The following NEGR1 variants were observed in gnomAD, a reference collection of about 807,000 sequenced individuals.
NEGR1 encodes the protein IgLON family member 4.
A neutral mutation model predicts 40.9 loss-of-function variants in NEGR1; 10 were observed. The observed-to-expected ratio is 0.24, with a 90% confidence interval of 0.15 to 0.42. The LOEUF is 0.42. NEGR1 is among the 10% of genes least tolerant of loss of function. The pLI is 1.00. For missense variants in NEGR1, 352 were observed against 438.9 expected, an observed-to-expected ratio of 0.80 and a Z score of 1.77; for synonymous variants, 185 against 166.8, an observed-to-expected ratio of 1.11 and a Z score of -0.84.
intron 1 of NEGR1, among the ~76,000 whole-genome samples, chr1:71,985,352 C>T (rs1646385566): frequency 6.6e-6 from 1 of 152,028 alleles, no homozygotes; most frequent in African/African-American, 2.4e-5. Flanking sequence ...AAAACATTTC[C>T]CTGTAACTCT....
At chr1:72,089,342 A>G (rs1648360457) in intron 1 of NEGR1, among the ~76,000 whole-genome samples, 1 of 152,168 alleles carries the variant, frequency 6.6e-6, no homozygotes, top group African/African-American at 2.4e-5. Context: ...TGGCAGACTA[A>G]ATGAGTTAAT....
chr1:71,693,340 G>A (rs1422585401), intron 4 of NEGR1, among the ~76,000 whole-genome samples: 1 of 151,592 alleles, frequency 6.6e-6, no homozygotes, highest in Non-Finnish European at 1.5e-5. Flanking sequence ...CTAGTAGAAT[G>A]ATTCACCTGG....
At chr1:72,210,469 A>G (rs551252688) in intron 1 of NEGR1, among the ~76,000 whole-genome samples, 2 of 151,938 alleles carry the variant, frequency 1.3e-5, no homozygotes, top group Non-Finnish European at 2.9e-5. Flanking sequence ...TTTTTCATGG[A>G]AAACCATTAT....
chr1:71,974,983 A>C (rs768154649), intron 1 of NEGR1, among the ~76,000 whole-genome samples: 2 of 152,204 alleles, frequency 1.3e-5, no homozygotes, highest in Non-Finnish European at 2.9e-5. Flanking sequence ...ACTCACAGAA[A>C]AGACATCATG....
chr1:71,754,492 C>G (rs759179639), intron 3 of NEGR1, among the ~76,000 whole-genome samples: 2 of 152,128 alleles, frequency 1.3e-5, no homozygotes, highest in Non-Finnish European at 2.9e-5. Context: ...AGCTATGTAT[C>G]AATTACTGTT....
intron 1 of NEGR1, among the ~76,000 whole-genome samples, chr1:72,228,582 C>G (rs944010047): frequency 2.6e-5 from 4 of 151,968 alleles, no homozygotes; most frequent in African/African-American, 4.8e-5. Context: ...TATGGAGAAC[C>G]CTAATCAGTA....
intron 6 of NEGR1, among the ~76,000 whole-genome samples, chr1:71,546,900 T>G (rs1647916709): frequency 6.6e-6 from 1 of 151,624 alleles, no homozygotes; most frequent in Non-Finnish European, 1.5e-5. Context: ...TATAAAGAGG[T>G]GCCCTATTGG....
At position 72,036,517 on chromosome 1, in the gene NEGR1, A is replaced by G. The variant is rs569838022; in HGVS notation, c.177-101206T>C. 1.1e-3 allele frequency among the ~76,000 whole-genome samples: 163 copies of G among 151,924 alleles called. 2 individuals are homozygous for G. The highest frequency in any genetic ancestry group is 0.01 in the Middle Eastern group (3 of 294). On this transcript the variant is annotated intron_variant, in intron 1 of 6. Transcript: ENST00000357731. Reference sequence around the variant, plus strand: ...CTAAAAATACAAAAATTAGCTGGGCATGGTGGTGCGCGCCTGTAATCCCAG... The same window carrying G: ...CTAAAAATACAAAAATTAGCTGGGCGTGGTGGTGCGCGCCTGTAATCCCAG...
intron 3 of NEGR1, among the ~76,000 whole-genome samples, chr1:71,707,587 A>C (rs573197632): frequency 3.1e-4 from 47 of 152,266 alleles, no homozygotes; most frequent in African/African-American, 1.1e-3. Flanking sequence ...CCATCCTGAA[A>C]GAAAGGACAT....
intron 1 of NEGR1, among the ~76,000 whole-genome samples, chr1:72,042,858 T>G (rs1420826648): frequency 6.6e-6 from 1 of 152,066 alleles, no homozygotes; most frequent in African/African-American, 2.4e-5. Context: ...GTAAAGGATC[T>G]AAACTAGCTA....
chr1:71,828,129 T>C (rs1658705891), intron 2 of NEGR1, among the ~76,000 whole-genome samples: 1 of 151,932 alleles, frequency 6.6e-6, no homozygotes, highest in Non-Finnish European at 1.5e-5. Flanking sequence ...ACTGAATATT[T>C]TGGGGTAATG....
chr1:72,232,108 C>A (rs575437598), intron 1 of NEGR1, among the ~76,000 whole-genome samples: 3 of 152,144 alleles, frequency 2.0e-5, no homozygotes, highest in Non-Finnish European at 4.4e-5. Flanking sequence ...GTAATCCCAG[C>A]ACTTTGGGAG....
intron 1 of NEGR1, among the ~76,000 whole-genome samples, chr1:72,264,132 T>G (rs1276310828): frequency 6.6e-6 from 1 of 151,444 alleles, no homozygotes; most frequent in Non-Finnish European, 1.5e-5. Flanking sequence ...CTGAGTAGTT[T>G]ATATCTGTGT....
intron 2 of NEGR1, among the ~76,000 whole-genome samples, chr1:71,897,401 T>C (rs1194336197): frequency 2.0e-5 from 3 of 152,174 alleles, no homozygotes; most frequent in Non-Finnish European, 4.4e-5. Context: ...ACCTATCCCT[T>C]GAAAAGCCCC....
rs1215117918 is a variant in NEGR1, at chr1:72,057,375, T to C, written c.177-122064A>G. On this transcript the variant is annotated intron_variant, in intron 1 of 6. Coordinates refer to ENST00000357731, the MANE Select transcript of NEGR1 (RefSeq NM_173808.3). ...ATGTATAATAGTCTGTACAAGTCCATGTAGCTGGATTCTCATACATTTAAA... is the reference window on the plus strand; with the variant it reads ...ATGTATAATAGTCTGTACAAGTCCACGTAGCTGGATTCTCATACATTTAAA... Among the ~76,000 whole-genome samples the C allele has an allele frequency of 2.0e-5, 3 of 151,568 alleles. No homozygotes were observed. The Admixed American group carries it at 2.0e-4, about 10-fold the overall frequency.
intron 3 of NEGR1, among the ~76,000 whole-genome samples, chr1:71,752,085 C>G (rs1570297773): frequency 6.6e-6 from 1 of 152,082 alleles, no homozygotes; most frequent in Non-Finnish European, 1.5e-5. Context: ...GGAGTAGTAA[C>G]CACGAAATAA....
At chr1:72,171,939 T>C (rs1651978563) in intron 1 of NEGR1, among the ~76,000 whole-genome samples, 1 of 152,176 alleles carries the variant, frequency 6.6e-6, no homozygotes, top group Non-Finnish European at 1.5e-5. Context: ...TTTTCTATAA[T>C]TAAAGTTTTG....
intron 1 of NEGR1, among the ~76,000 whole-genome samples, chr1:72,143,901 ATATG>A (rs1557548407): frequency 1.3e-3 from 104 of 82,926 alleles, no homozygotes; most frequent in African/African-American, 4.7e-3. Context: ...TATATTATAT[ATATG>A]ATATATATAA....
rs139288056 is a variant in NEGR1, at chr1:71,622,661, C to T, written c.668-11515G>A. Among the ~76,000 whole-genome samples the T allele has an allele frequency of 8.4e-3, 1,272 of 151,966 alleles. 11 individuals are homozygous for T. The highest frequency in any genetic ancestry group is 0.029 in the African/African-American group (1,205 of 41,492). On this transcript the variant is annotated intron_variant, in intron 4 of 6. Coordinates refer to ENST00000357731, the MANE Select transcript of NEGR1 (RefSeq NM_173808.3). ...TGCCATCAAAGACTCACATTGATCT[C>T]TCAAAATGTGAATGAGCCAGGCTCA...
Sources: gnomAD v4.1 joint callset for allele counts (sites outside exome capture counted in the v4.1 genomes callset) on GRCh38, gnomAD v4.1.1 for gene constraint, MANE v1.5 for transcripts, NCBI Gene and HGNC (gene_info 2026-07-23, HGNC 2026-07-21) for gene names.